Variants in AGPS observed in about 807,000 individuals in gnomAD.
The protein encoded by AGPS is alkyldihydroxyacetonephosphate synthase, peroxisomal.
AGPS carries 26 observed loss-of-function variants against 90.7 expected under a neutral mutation model. The ratio of observed to expected loss-of-function variants is 0.29; its 90% CI spans 0.21 to 0.40. The LOEUF (loss-of-function observed/expected upper bound fraction) is 0.40. Ranked by LOEUF, AGPS falls within the 10% of genes least tolerant of loss-of-function variation. The pLI, the probability that AGPS is intolerant of heterozygous loss-of-function variation, is 1.00. For synonymous variants in AGPS, 294 were observed against 285.3 expected (o/e 1.03, Z -0.31); for missense variants, 540 against 816.1 (o/e 0.66, Z 4.12).
chr2:177,485,866 G>A (rs935426802), intron 11 of AGPS, among the ~76,000 whole-genome samples: 17 of 152,100 alleles, frequency 1.1e-4, no homozygotes, highest in Admixed American at 3.3e-4. Flanking sequence ...GCTGTGAGTC[G>A]TGATCGTGCC....
chr2:177,439,096 T>C (rs16865279), intron 5 of AGPS, among the ~76,000 whole-genome samples: 5,328 of 152,134 alleles, frequency 0.035, 204 homozygotes, highest in African/African-American at 0.097. Context: ...GGCTTAAGAG[T>C]AAGGACAATT....
chr2:177,450,045 G>A (rs546402394), intron 8 of AGPS, among the ~76,000 whole-genome samples: 34 of 152,036 alleles, frequency 2.2e-4, no homozygotes, highest in Non-Finnish European at 4.1e-4. Context: ...CACCGCGTTA[G>A]CCAGGATGGT....
At chr2:177,508,235 TTGTC>T (rs1195072861) in intron 16 of AGPS, among the ~76,000 whole-genome samples, 1 of 152,116 alleles carries the variant, frequency 6.6e-6, no homozygotes, top group Non-Finnish European at 1.5e-5. Context: ...TGAAGAAAAT[TTGTC>T]TGTGATCCAA....
chr2:177,449,023 A>T lies in AGPS; in HGVS notation c.870+3397A>T, dbSNP rs145405421. Among the ~76,000 whole-genome samples, 359 of 152,198 alleles carry T rather than the reference A, an allele frequency of 2.4e-3. 2 individuals are homozygous for T. Among genetic ancestry groups the T allele is most frequent in the African/African-American group, 7.7e-3 (318 of 41,544 alleles). On this transcript the variant is annotated intron_variant, in intron 8 of 19. Transcript: ENST00000264167. The stretch of plus-strand genomic sequence containing the variant: ...ATATTGTTGCATTTATCAGTAGTTC[A>T]TTTCTTTTTGTTGCTCAGCAGTATT...
intron 1 of AGPS, among the ~76,000 whole-genome samples, chr2:177,397,968 G>A (rs188146748): frequency 1.6e-3 from 240 of 152,298 alleles, no homozygotes; most frequent in Non-Finnish European, 2.7e-3. Flanking sequence ...GGAGGCAGAG[G>A]TTGCAGTGAG....
intron 1 of AGPS, among the ~76,000 whole-genome samples, chr2:177,403,556 CAT>C (rs1685386774): frequency 6.6e-6 from 1 of 151,966 alleles, no homozygotes; most frequent in African/African-American, 2.4e-5. Context: ...ACTTTACAAT[CAT>C]AAAGAAAAGG....
chr2:177,510,161 A>T (rs1287139326), intron 16 of AGPS, among the ~76,000 whole-genome samples: 2 of 152,054 alleles, frequency 1.3e-5, no homozygotes, highest in African/African-American at 4.8e-5. Context: ...AGAAACAATT[A>T]TTTCTTACAG....
rs545218671 is a variant in AGPS, at chr2:177,430,410, C to T, written c.351-3917C>T. ...TTCCTAGGGTGGAGTCTGTAAAACT[C>T]CTGGGTTACTGTGCGAGCCTGAGTG... On this transcript the variant is annotated intron_variant, in intron 2 of 19. Coordinates refer to ENST00000264167, the MANE Select transcript of AGPS (RefSeq NM_003659.4). Among the ~76,000 whole-genome samples the T allele has an allele frequency of 1.8e-4, 27 of 152,296 alleles. 1 individual carries two copies. The South Asian group carries it at 5.6e-3, about 32-fold the overall frequency.
At chr2:177,422,705 A>G (rs1322924081) in intron 2 of AGPS, among the ~76,000 whole-genome samples, 1 of 152,232 alleles carries the variant, frequency 6.6e-6, no homozygotes. Context: ...ATGAAATAAC[A>G]AAACAAAATT....
At position 177,521,288 on chromosome 2, in the gene AGPS, G is replaced by A. The variant is rs1433034284; in HGVS notation, c.1717G>A (p.Ala573Thr). ...TTTTAGGGTGACGCAGACTTACGAT[G>A]CAGGTGCTTGTATCTACTTCTATTT... ...STCRVTQTYDAGACIYFYFAF... is the reference protein window; with the variant it reads ...STCRVTQTYDTGACIYFYFAF... Residue 573 changes from alanine (A) to threonine (T), a missense_variant, in exon 18 of 20, where the codon GCA (alanine) becomes ACA (threonine). By Grantham distance (58) the Ala-to-Thr change is moderately conservative. This residue lies in a region of AGPS where 405 missense variants were observed against 692.1 expected (regional missense o/e 0.59). Coordinates refer to ENST00000264167, the MANE Select transcript of AGPS (RefSeq NM_003659.4). 6.2e-7 allele frequency: 1 copy of A among 1,614,110 alleles called. No homozygotes were observed. The highest frequency in any genetic ancestry group is 8.5e-7 in the Non-Finnish European group (1 of 1,179,950).
At position 177,442,427 on chromosome 2, in the gene AGPS, G is replaced by T; in HGVS notation, c.730G>T (p.Gly244Cys). ...GGCAGGAGGAACAAGTGTTTCATAT[G>T]GCCTGATGTGTCCTGCAGATGAGAC... ...PIGGGTSVSYGLMCPADETRT... is the reference protein window; with the variant it reads ...PIGGGTSVSYCLMCPADETRT... The change falls in exon 7 of 20, where the codon GGC becomes TGC. Residue 244 changes from glycine to cysteine, a missense_variant. Coordinates refer to ENST00000264167, the MANE Select transcript of AGPS (RefSeq NM_003659.4). 1 of 1,613,688 alleles carries T rather than the reference G, an allele frequency of 6.2e-7. No individual in the cohort carries two copies. Among genetic ancestry groups the T allele is most frequent in the Non-Finnish European group, 8.5e-7 (1 of 1,179,674 alleles).
chr2:177,531,055 G>A (rs1046870162), intron 19 of AGPS, among the ~76,000 whole-genome samples: 1 of 151,962 alleles, frequency 6.6e-6, no homozygotes, highest in African/African-American at 2.4e-5. Context: ...TAATTATAGG[G>A]CAGCTGCTGT....
In AGPS at chr2:177,538,180, C is replaced by T. The variant is rs2079200774; in HGVS notation, c.1962C>T (p.Asn654=). The change falls in exon 20 of 20, where the codon AAC becomes AAT. Residue 654 remains asparagine, a synonymous_variant. Transcript: ENST00000264167. The part of the protein sequence containing the change: ...EYVDPNNIFG[N]RNLL ...TGGACCCCAATAACATCTTTGGAAA[C>T]AGAAACCTTTTATAAATCCATTAGT... is the stretch of plus-strand genomic sequence containing the variant. 2 of 1,612,666 alleles carry T rather than the reference C, an allele frequency of 1.2e-6. No homozygotes were observed. The highest frequency in any genetic ancestry group is 4.5e-5 in the East Asian group (2 of 44,848).
chr2:177,433,249 T>G lies in AGPS; in HGVS notation c.351-1078T>G, dbSNP rs536473419. Among the ~76,000 whole-genome samples, 3 of 152,336 alleles carry G rather than the reference T, an allele frequency of 2.0e-5. No individual in the cohort carries two copies. In the East Asian group the frequency reaches 5.8e-4, roughly 29 times the overall value. Reference sequence around the variant, plus strand: ...AAAAGACTTGAACTGGCTTTCAAAATGGAGGATATCCAAATGGACAATAGT... The same window carrying G: ...AAAAGACTTGAACTGGCTTTCAAAAGGGAGGATATCCAAATGGACAATAGT... On this transcript the variant is annotated intron_variant, in intron 2 of 19. Coordinates refer to ENST00000264167, the MANE Select transcript of AGPS (RefSeq NM_003659.4).
At chr2:177,400,996 C>G (rs937063330) in intron 1 of AGPS, among the ~76,000 whole-genome samples, 1 of 152,188 alleles carries the variant, frequency 6.6e-6, no homozygotes, top group African/African-American at 2.4e-5. Context: ...GTCACATATA[C>G]TATGGAGTGG....
At chr2:177,457,322 A>G (rs772934806) in intron 8 of AGPS, among the ~76,000 whole-genome samples, 1 of 152,230 alleles carries the variant, frequency 6.6e-6, no homozygotes, top group Non-Finnish European at 1.5e-5. Flanking sequence ...AGCAGAAGAC[A>G]TGAAATAACT....
At chr2:177,492,316 A>C (rs1688286836) in intron 11 of AGPS, among the ~76,000 whole-genome samples, 1 of 152,176 alleles carries the variant, frequency 6.6e-6, no homozygotes, top group South Asian at 2.1e-4. Flanking sequence ...TGTATATTCT[A>C]CTTATGAAGA....
At chr2:177,493,500 C>T (rs1688327684) in intron 12 of AGPS, among the ~76,000 whole-genome samples, 1 of 152,148 alleles carries the variant, frequency 6.6e-6, no homozygotes, top group South Asian at 2.1e-4. Context: ...GCTAAATCTT[C>T]AAAGGTGAAT....
At chr2:177,411,650 T>A (rs1271539380) in intron 1 of AGPS, among the ~76,000 whole-genome samples, 1 of 152,224 alleles carries the variant, frequency 6.6e-6, no homozygotes, top group Non-Finnish European at 1.5e-5. Context: ...TATTTTTCCA[T>A]GTCAGATCAA....
Sources: allele counts gnomAD v4.1 joint callset (sites outside exome capture counted in the v4.1 genomes callset), GRCh38; gene constraint gnomAD v4.1.1; regional missense constraint gnomAD v4.1.1; transcripts MANE v1.5; gene names NCBI Gene and HGNC (gene_info 2026-07-23, HGNC 2026-07-21).